The following ANO4 variants were observed in gnomAD, a reference collection of about 807,000 sequenced individuals.
ANO4 encodes the protein anoctamin-4.
Under a neutral mutation model 141.9 loss-of-function variants are expected in ANO4, and 69 were observed. The ratio of observed to expected loss-of-function variants is 0.49; its 90% CI spans 0.40 to 0.59. ANO4 has a LOEUF of 0.59. Ranked by LOEUF, ANO4 falls within the 20% of genes least tolerant of loss-of-function variation. ANO4 has a pLI of 0.00. For synonymous variants in ANO4, 350 were observed against 394.3 expected (o/e 0.89, Z 1.33); for missense variants, 894 against 1,162.2 (o/e 0.77, Z 3.36).
chr12:100,820,631 A>T (rs2035998279), intron 1 of ANO4, among the ~76,000 whole-genome samples: 1 of 152,036 alleles, frequency 6.6e-6, no homozygotes, highest in African/African-American at 2.4e-5. Context: ...CTGCTATGTC[A>T]GTTAATATTT....
chr12:100,869,034 A>T (rs988231300), intron 1 of ANO4, among the ~76,000 whole-genome samples: 5 of 152,158 alleles, frequency 3.3e-5, no homozygotes, highest in African/African-American at 7.2e-5. Context: ...GAACCACATA[A>T]ACACAGACTA....
At chr12:100,783,970 G>C (rs1247054247) in intron 3 of ANO4, among the ~76,000 whole-genome samples, 1 of 126,790 alleles carries the variant, frequency 7.9e-6, no homozygotes, top group African/African-American at 3.1e-5. Context: ...TGGAGGCCAT[G>C]GAGTGTAGTG....
At chr12:100,986,458 C>T (rs576982666) in intron 7 of ANO4, among the ~76,000 whole-genome samples, 3 of 152,242 alleles carry the variant, frequency 2.0e-5, no homozygotes, top group Non-Finnish European at 2.9e-5. Context: ...ACTAAGTCTA[C>T]AAACTCAAAC....
At chr12:100,765,379 C>CTTTTTTTTTTTTTTT (rs71091461) in intron 3 of ANO4, among the ~76,000 whole-genome samples, 1 of 125,402 alleles carries the variant, frequency 8.0e-6, no homozygotes, top group Non-Finnish European at 1.6e-5. Flanking sequence ...TTCTTTCTTT[C>CTTTTTTTTTTTTTTT]TTTTTTTTTT....
chr12:101,007,900 A>G (rs1398597173), intron 8 of ANO4, among the ~76,000 whole-genome samples: 1 of 152,138 alleles, frequency 6.6e-6, no homozygotes, highest in Admixed American at 6.6e-5. Context: ...TTCTAAAAAA[A>G]AATATTGCGA....
At chr12:100,919,501 G>A (rs1255542109) in intron 2 of ANO4, among the ~76,000 whole-genome samples, 3 of 152,118 alleles carry the variant, frequency 2.0e-5, no homozygotes, top group African/African-American at 7.2e-5. Context: ...CAGGTTTGTA[G>A]CTTAGGAGCA....
chr12:100,727,341 A>G (rs547747436), intron 1 of ANO4, among the ~76,000 whole-genome samples: 5 of 152,216 alleles, frequency 3.3e-5, no homozygotes, highest in Admixed American at 1.3e-4. Flanking sequence ...GTTTCAGATT[A>G]TTTTATTCTG....
intron 2 of ANO4, among the ~76,000 whole-genome samples, chr12:100,736,725 G>A (rs915734535): frequency 6.6e-6 from 1 of 152,184 alleles, no homozygotes; most frequent in Non-Finnish European, 1.5e-5. Context: ...ACTCCAATGT[G>A]ACTAGTGTCC....
chr12:100,762,316 A>G (rs754654826), intron 3 of ANO4, among the ~76,000 whole-genome samples: 58 of 152,230 alleles, frequency 3.8e-4, no homozygotes, highest in Non-Finnish European at 6.0e-4. Flanking sequence ...TGTGGCCCGA[A>G]TTGGATAATG....
At chr12:101,124,359 C>T (rs192728893) in intron 26 of ANO4, among the ~76,000 whole-genome samples, 14 of 152,162 alleles carry the variant, frequency 9.2e-5, no homozygotes, top group Admixed American at 6.5e-4. Flanking sequence ...CTTGTAGACT[C>T]TGGATATCAG....
intron 3 of ANO4, among the ~76,000 whole-genome samples, chr12:100,763,543 T>TC (rs2032962708): frequency 6.6e-6 from 1 of 152,164 alleles, no homozygotes; most frequent in South Asian, 2.1e-4. Flanking sequence ...TACACATCAT[T>TC]CCCCTTCTCC....
Position 101,042,427 on chromosome 12 carries a change from CTT to C in ANO4, c.1117_1118del (p.Leu373ValfsTer13). The C allele has an allele frequency of 1.9e-6, 3 of 1,614,112 alleles. No individual in the cohort carries two copies. Among genetic ancestry groups the C allele is most frequent in the Non-Finnish European group, 2.5e-6 (3 of 1,180,000 alleles). On this transcript the variant is annotated frameshift_variant, in exon 12 of 28. Coordinates refer to ENST00000392977, the MANE Select transcript of ANO4 (RefSeq NM_001286615.2). LOFTEE classifies it high-confidence loss of function. Reference sequence around the variant, plus strand: ...CAGCTGCCTTCATTGGATTGTTTGTCTTTTTGTATGGCGTCACCACTCTGGAT... The same window carrying C: ...CAGCTGCCTTCATTGGATTGTTTGTCTTTGTATGGCGTCACCACTCTGGAT... Reference protein sequence around the residue: ...FPAAFIGLFVFLYGVTTLDHS... With the variant: ...FPAAFIGLFVXLYGVTTLDHS...
rs2036347324 is a variant in ANO4 at position 100,826,458 on chromosome 12, G to A, written c.-141+31431G>A. Among the ~76,000 whole-genome samples the A allele has an allele frequency of 3.9e-5, 6 of 152,078 alleles. No homozygotes were observed. The South Asian group carries it at 1.2e-3, about 32-fold the overall frequency. On this transcript the variant is annotated intron_variant, in intron 1 of 27. Coordinates refer to ENST00000392977, the MANE Select transcript of ANO4 (RefSeq NM_001286615.2). The stretch of plus-strand genomic sequence containing the variant: ...ATTGAGTTTCACTAACCGTATTCAT[G>A]GATGTATTATTTCTAGCACCTTCTG...
chr12:100,940,226 A>G (rs1276472724), intron 4 of ANO4, among the ~76,000 whole-genome samples: 1 of 151,972 alleles, frequency 6.6e-6, no homozygotes, highest in Non-Finnish European at 1.5e-5. Flanking sequence ...TTTCATTAAA[A>G]AAAAACACTC....
intron 1 of ANO4, among the ~76,000 whole-genome samples, chr12:100,872,940 T>C (rs2039105451): frequency 6.6e-6 from 1 of 152,186 alleles, no homozygotes; most frequent in Non-Finnish European, 1.5e-5. Context: ...GATTTCCTCC[T>C]TGCTGTTCTT....
intron 5 of ANO4, among the ~76,000 whole-genome samples, chr12:100,966,440 A>T (rs1273040145): frequency 1.3e-5 from 2 of 152,208 alleles, no homozygotes; most frequent in African/African-American, 4.8e-5. Flanking sequence ...CCAACCTCAC[A>T]GTCCGAATTG....
chr12:101,079,761 G>T (rs1301075952), intron 15 of ANO4, among the ~76,000 whole-genome samples: 1 of 152,160 alleles, frequency 6.6e-6, no homozygotes, highest in Non-Finnish European at 1.5e-5. Flanking sequence ...CTCTGAAGCG[G>T]CCACCTTGGG....
intron 21 of ANO4, among the ~76,000 whole-genome samples, 193 bp downstream of exon 21, chr12:101,098,138 C>A (rs7973362): frequency 0.056 from 8,447 of 152,184 alleles, 741 homozygotes; most frequent in African/African-American, 0.19. Context: ...AGATTTAGCA[C>A]AATTCACATG....
intron 17 of ANO4, among the ~76,000 whole-genome samples, chr12:101,089,801 T>C (rs2049677303): frequency 6.6e-6 from 1 of 151,914 alleles, no homozygotes; most frequent in Non-Finnish European, 1.5e-5. Flanking sequence ...ATCATCAGAG[T>C]GAACAGGCAA....
Sources: allele counts gnomAD v4.1 joint callset (sites outside exome capture counted in the v4.1 genomes callset), GRCh38; gene constraint gnomAD v4.1.1; transcripts MANE v1.5; gene names NCBI Gene and HGNC (gene_info 2026-07-23, HGNC 2026-07-21).